COL19A1: variants seen among roughly 807,000 people sequenced by gnomAD.
COL19A1 encodes collagen type XIX alpha 1 chain.
In COL19A1, 159 loss-of-function variants were observed where a neutral mutation model predicts 190.2. The ratio of observed to expected loss-of-function variants is 0.84; its 90% CI spans 0.73 to 0.95. COL19A1 has a LOEUF of 0.95. Among genes scored for constraint, COL19A1 ranks in the 40% least tolerant of loss-of-function variants. COL19A1 has a pLI of 0.00. For synonymous variants in COL19A1, 509 were observed against 458.9 expected (o/e 1.11, Z -1.39); for missense variants, 1,418 against 1,431.9 (o/e 0.99, Z 0.16).
intron 15 of COL19A1, among the ~76,000 whole-genome samples, chr6:70,096,998 G>A (rs1783317307): frequency 6.6e-6 from 1 of 152,144 alleles, no homozygotes. Flanking sequence ...TGGGTTTGGG[G>A]TCTGCATATC....
intron 14 of COL19A1, among the ~76,000 whole-genome samples, chr6:70,053,583 C>CT (rs1780331508): frequency 6.6e-6 from 1 of 152,064 alleles, no homozygotes; most frequent in Non-Finnish European, 1.5e-5. Flanking sequence ...TTAGGTAGTT[C>CT]GACCGATTAA....
intron 9 of COL19A1, among the ~76,000 whole-genome samples, chr6:69,943,733 C>T (rs1773617357): frequency 6.6e-6 from 1 of 152,146 alleles, no homozygotes; most frequent in Non-Finnish European, 1.5e-5. Context: ...TTTATGGGTT[C>T]TCTAGTGTGT....
chr6:69,908,142 T>C (rs1286737200), intron 4 of COL19A1, among the ~76,000 whole-genome samples: 1 of 152,240 alleles, frequency 6.6e-6, no homozygotes, highest in East Asian at 1.9e-4. Flanking sequence ...AGGGACTATT[T>C]TGTAATGCAT....
chr6:70,013,505 C>CA lies in COL19A1; in HGVS notation c.1027-10118dup, dbSNP rs1250671424. On this transcript the variant is annotated intron_variant, in intron 11 of 50. Coordinates refer to ENST00000620364, the MANE Select transcript of COL19A1 (RefSeq NM_001858.6). The stretch of plus-strand genomic sequence containing the variant: ...AAAAAAGAGAGAAGAATCAAATAGA[C>CA]AAAATAAAAAATGATAAAGGGGATA... Among the ~76,000 whole-genome samples, 3 of 52,336 alleles carry CA rather than the reference C, an allele frequency of 5.7e-5. No individual in the cohort carries two copies. The East Asian group carries it at 2.4e-3, about 41-fold the overall frequency. The allele number at this position is 52,336 out of a possible 152,430, so 34.3% of individuals were successfully genotyped here.
rs779634054 is a variant in COL19A1 at position 70,207,271 on chromosome 6, T to C, written c.3426T>C (p.Asn1142=). ...VSHAHQRTGG[N] ...ATGCCCATCAGCGCACAGGTGGGAA[T>C]TGAACACACCTGAAGAAGACTTGGT... The change falls in exon 51 of 51, where the codon AAT becomes AAC. Residue 1142 remains asparagine, a synonymous_variant. Transcript: ENST00000620364. The C allele has an allele frequency of 3.1e-6, 5 of 1,613,310 alleles. No homozygotes were observed. The South Asian group carries it at 3.3e-5, about 11-fold the overall frequency.
chr6:69,878,333 C>G lies in COL19A1; in HGVS notation c.-32-1203C>G, dbSNP rs1014179030. Among the ~76,000 whole-genome samples, 14 of 152,090 alleles carry G rather than the reference C, an allele frequency of 9.2e-5. No homozygotes were observed. The East Asian group carries it at 2.7e-3, about 29-fold the overall frequency. ...GGTTCAAGTGATTCTCCTGCCTCAG[C>G]CTTCCGAGTAGCTGGGACTACAGGT... On this transcript the variant is annotated intron_variant, in intron 1 of 50. Coordinates refer to ENST00000620364, the MANE Select transcript of COL19A1 (RefSeq NM_001858.6).
intron 44 of COL19A1, among the ~76,000 whole-genome samples, chr6:70,182,839 AC>A (rs1237275741): frequency 6.6e-6 from 1 of 152,142 alleles, no homozygotes; most frequent in Admixed American, 6.6e-5. Flanking sequence ...GAGAGTGAAG[AC>A]TACTTTGAGT....
At chr6:70,199,022 C>G (rs1767385343) in intron 48 of COL19A1, among the ~76,000 whole-genome samples, 1 of 152,206 alleles carries the variant, frequency 6.6e-6, no homozygotes, top group Admixed American at 6.5e-5. Context: ...CTGCCTTCCT[C>G]CAATGAGTGA....
intron 11 of COL19A1, among the ~76,000 whole-genome samples, chr6:69,983,264 C>T (rs764256433): frequency 2.0e-5 from 3 of 151,908 alleles, no homozygotes; most frequent in Non-Finnish European, 4.4e-5. Context: ...AGGTATTTGA[C>T]GTTTTTGATG....
intron 4 of COL19A1, among the ~76,000 whole-genome samples, chr6:69,926,182 C>A (rs1356096752): frequency 6.6e-6 from 1 of 152,110 alleles, no homozygotes; most frequent in Non-Finnish European, 1.5e-5. Context: ...AAAGGGAATG[C>A]CTCCAGTTTT....
At chr6:70,161,002 A>G (rs1451301254) in intron 34 of COL19A1, among the ~76,000 whole-genome samples, 1 of 152,164 alleles carries the variant, frequency 6.6e-6, no homozygotes, top group Non-Finnish European at 1.5e-5. Context: ...AAGTAACAAA[A>G]CTAATTACAT....
At chr6:69,950,199 T>A (rs919267630) in intron 9 of COL19A1, among the ~76,000 whole-genome samples, 1 of 151,890 alleles carries the variant, frequency 6.6e-6, no homozygotes, top group Admixed American at 6.6e-5. Flanking sequence ...TAATATACTG[T>A]GGTGGCATTT....
At chr6:69,914,014 G>A (rs917081463) in intron 4 of COL19A1, among the ~76,000 whole-genome samples, 1 of 151,866 alleles carries the variant, frequency 6.6e-6, no homozygotes, top group Non-Finnish European at 1.5e-5. Context: ...AACCTTCAAT[G>A]TATCCTCATT....
At chr6:69,964,045 A>G (rs1236319467) in intron 11 of COL19A1, among the ~76,000 whole-genome samples, 1 of 152,188 alleles carries the variant, frequency 6.6e-6, no homozygotes, top group Non-Finnish European at 1.5e-5. Context: ...AAATGTATGT[A>G]TGGAATTGGA....
At chr6:70,085,015 A>C (rs931326741) in intron 15 of COL19A1, among the ~76,000 whole-genome samples, 2 of 152,162 alleles carry the variant, frequency 1.3e-5, no homozygotes, top group African/African-American at 4.8e-5. Context: ...CCTAACCCGA[A>C]GTTGATGATT....
intron 2 of COL19A1, among the ~76,000 whole-genome samples, chr6:69,880,901 G>A (rs1253844921): frequency 6.6e-6 from 1 of 152,176 alleles, no homozygotes; most frequent in African/African-American, 2.4e-5. Context: ...AATATAGTAG[G>A]TAATGTGCTT....
intron 11 of COL19A1, among the ~76,000 whole-genome samples, chr6:69,999,383 A>T (rs946051971): frequency 6.6e-6 from 1 of 151,984 alleles, no homozygotes; most frequent in Admixed American, 6.6e-5. Context: ...AATTTTTTTT[A>T]AATAGCTAGA....
intron 4 of COL19A1, among the ~76,000 whole-genome samples, chr6:69,916,225 C>T (rs892575270): frequency 2.6e-5 from 4 of 152,248 alleles, no homozygotes; most frequent in South Asian, 2.1e-4. Flanking sequence ...CGGGAGCCAC[C>T]GCGCCCAGCT....
intron 16 of COL19A1, among the ~76,000 whole-genome samples, chr6:70,103,584 T>C (rs1435526749): frequency 6.6e-6 from 1 of 152,238 alleles, no homozygotes; most frequent in Admixed American, 6.5e-5. Flanking sequence ...CTTCCTTCTT[T>C]TGTAATCAGT....
Sources: gnomAD v4.1 joint callset for allele counts (sites outside exome capture counted in the v4.1 genomes callset) on GRCh38, gnomAD v4.1.1 for gene constraint, MANE v1.5 for transcripts, NCBI Gene and HGNC (gene_info 2026-07-23, HGNC 2026-07-21) for gene names.